The following C8orf34 variants were observed in gnomAD, a reference collection of about 807,000 sequenced individuals.
C8orf34 encodes the protein chromosome 8 open reading frame 34, also known as uncharacterized protein C8orf34.
Under a neutral mutation model 68.3 loss-of-function variants are expected in C8orf34, and 65 were observed. That is an observed-to-expected ratio of 0.95 (90% CI 0.78 to 1.17). C8orf34 has a LOEUF of 1.17. Among genes scored for constraint, C8orf34 ranks in the 50% most tolerant of loss-of-function variants. The pLI is 0.00. For synonymous variants in C8orf34, 244 were observed against 241.2 expected (o/e 1.01, Z -0.11); for missense variants, 664 against 655.4 (o/e 1.01, Z -0.14).
At chr8:68,618,851 T>C (rs975818726) in intron 7 of C8orf34, among the ~76,000 whole-genome samples, 2 of 152,138 alleles carry the variant, frequency 1.3e-5, no homozygotes, top group Non-Finnish European at 2.9e-5. Context: ...GATGTTTGAG[T>C]AAAAGAATAA....
intron 1 of C8orf34, among the ~76,000 whole-genome samples, chr8:68,383,310 T>A (rs1808121153): frequency 1.3e-5 from 2 of 152,226 alleles, no homozygotes; most frequent in South Asian, 4.1e-4. Context: ...TGGGCCATGA[T>A]GTTAACCATA....
Position 68,568,560 on chromosome 8 carries a change from GA to G in C8orf34, c.1105+35423del, listed in dbSNP as rs35855967. Among the ~76,000 whole-genome samples, 707 of 138,156 alleles carry G rather than the reference GA, an allele frequency of 5.1e-3. 5 individuals carry two copies. Among genetic ancestry groups the G allele is most frequent in the Non-Finnish European group, 4.4e-3 (278 of 63,396 alleles). 90.6% of individuals were successfully genotyped at this position (138,156 alleles called of 152,430 possible). Reference sequence around the variant, plus strand: ...CAGGGCTGCCACAAAGCTTCAATTAGAAAAAAAAAAAATCTGTGAAGTGCAA... The same window carrying G: ...CAGGGCTGCCACAAAGCTTCAATTAGAAAAAAAAAAATCTGTGAAGTGCAA... On this transcript the variant is annotated intron_variant, in intron 7 of 13. Transcript: ENST00000518698.
chr8:68,580,669 T>C (rs760291419), intron 7 of C8orf34, among the ~76,000 whole-genome samples: 1 of 152,100 alleles, frequency 6.6e-6, no homozygotes, highest in Non-Finnish European at 1.5e-5. Flanking sequence ...TTACTAATCA[T>C]AAGGAGATAG....
chr8:68,505,738 CAA>C (rs778441254), intron 5 of C8orf34, among the ~76,000 whole-genome samples: 10 of 68,338 alleles, frequency 1.5e-4, no homozygotes, highest in Admixed American at 1.8e-4. Context: ...ACTCCGTCTC[CAA>C]AAAAAAAAAA....
chr8:68,397,803 C>T (rs999792630), intron 1 of C8orf34, among the ~76,000 whole-genome samples: 2 of 152,146 alleles, frequency 1.3e-5, no homozygotes, highest in African/African-American at 2.4e-5. Context: ...AAGTCTCACT[C>T]TGTTGCCCAG....
Position 68,709,146 on chromosome 8 carries a change from A to G in C8orf34, c.1327+67A>G, listed in dbSNP as rs546283073. 8 of 1,206,888 alleles carry G rather than the reference A, an allele frequency of 6.6e-6. No homozygotes were observed. The African/African-American group carries it at 1.2e-4, about 18-fold the overall frequency. The allele number at this position is 1,206,888 out of a possible 1,614,324, so 74.8% of individuals were successfully genotyped here. A position where few individuals can be genotyped will look rare whatever the true frequency, so the allele number is the denominator to read the frequency against. On this transcript the variant is annotated intron_variant, in intron 9 of 13. Coordinates refer to ENST00000518698, the MANE Select transcript of C8orf34 (RefSeq NM_052958.4). ...CACTTAAAGATTAAAGAAGTAAAGGAAAAAAACTAAACCAAACATCTTGCC... is the reference window on the plus strand; with the variant it reads ...CACTTAAAGATTAAAGAAGTAAAGGGAAAAAACTAAACCAAACATCTTGCC...
chr8:68,436,607 T>C (rs1810678057), intron 1 of C8orf34, among the ~76,000 whole-genome samples: 1 of 152,174 alleles, frequency 6.6e-6, no homozygotes, highest in Non-Finnish European at 1.5e-5. Flanking sequence ...CTTGCACTGA[T>C]GGTAAGAATT....
intron 7 of C8orf34, among the ~76,000 whole-genome samples, chr8:68,574,432 A>C (rs560336047): frequency 6.6e-6 from 1 of 152,072 alleles, no homozygotes; most frequent in Non-Finnish European, 1.5e-5. Context: ...CAAAATTAGC[A>C]TAAGATTAGT....
At chr8:68,496,615 G>C (rs926112461) in intron 5 of C8orf34, among the ~76,000 whole-genome samples, 1 of 152,194 alleles carries the variant, frequency 6.6e-6, no homozygotes, top group Non-Finnish European at 1.5e-5. Context: ...GCCTCACTAA[G>C]TACACCCATG....
chr8:68,732,805 G>C (rs1822014060), intron 10 of C8orf34, among the ~76,000 whole-genome samples: 1 of 152,182 alleles, frequency 6.6e-6, no homozygotes, highest in Admixed American at 6.5e-5. Context: ...AGCTGGGCGT[G>C]TAATCCCAGC....
intron 1 of C8orf34, chr8:68,438,777 G>A (rs1012403951): frequency 5.3e-5 from 8 of 151,618 alleles, no homozygotes; most frequent in African/African-American, 1.9e-4. Context: ...GTTCCTGACT[G>A]GAAAAAAAAA....
intron 5 of C8orf34, among the ~76,000 whole-genome samples, chr8:68,503,286 C>T (rs1216033461): frequency 6.6e-6 from 1 of 151,564 alleles, no homozygotes; most frequent in Non-Finnish European, 1.5e-5. Flanking sequence ...CATTTGTTTA[C>T]CAAAAAAAAG....
At chr8:68,657,174 G>A (rs189458204) in intron 8 of C8orf34, among the ~76,000 whole-genome samples, 4 of 152,056 alleles carry the variant, frequency 2.6e-5, no homozygotes, top group East Asian at 3.9e-4. Flanking sequence ...CTCCACAAAC[G>A]TATCCAAATA....
At chr8:68,691,822 AAACC>A (rs1393754984) in intron 8 of C8orf34, among the ~76,000 whole-genome samples, 15 of 152,136 alleles carry the variant, frequency 9.9e-5, no homozygotes, top group Non-Finnish European at 2.1e-4. Context: ...TATCCTTCCT[AAACC>A]AACATCAATG....
At chr8:68,595,300 T>C (rs1048636472) in intron 7 of C8orf34, among the ~76,000 whole-genome samples, 16 of 152,210 alleles carry the variant, frequency 1.1e-4, no homozygotes, top group African/African-American at 3.9e-4. Flanking sequence ...TGATCTTTGA[T>C]ACAAGTGTAA....
At chr8:68,380,709 C>T (rs1257536329) in intron 1 of C8orf34, among the ~76,000 whole-genome samples, 2 of 152,162 alleles carry the variant, frequency 1.3e-5, no homozygotes, top group Non-Finnish European at 2.9e-5. Context: ...GGTAGACATA[C>T]ATAAGACAAT....
In C8orf34 at chr8:68,721,370, C is replaced by T. The variant is rs757904859; in HGVS notation, c.1337C>T (p.Pro446Leu). ...EKIPDSFDSLPGTEEALMEEG... is the reference protein window; with the variant it reads ...EKIPDSFDSLLGTEEALMEEG... ...TTAAAAATAAAAATAGATTCCTTGCCTGGGACTGAAGAAGCACTAATGGAG... is the reference window on the plus strand; with the variant it reads ...TTAAAAATAAAAATAGATTCCTTGCTTGGGACTGAAGAAGCACTAATGGAG... The change falls in exon 10 of 14, where the codon CCT becomes CTT. Residue 446 changes from proline to leucine, a missense_variant. By Grantham distance (98) the Pro-to-Leu change is moderately conservative. Transcript: ENST00000518698. 4 of 1,604,784 alleles carry T rather than the reference C, an allele frequency of 2.5e-6. No homozygotes were observed. Among genetic ancestry groups the T allele is most frequent in the Non-Finnish European group, 3.4e-6 (4 of 1,173,496 alleles).
intron 12 of C8orf34, among the ~76,000 whole-genome samples, chr8:68,814,898 T>C (rs1440149958): frequency 2.0e-5 from 3 of 152,218 alleles, no homozygotes; most frequent in Admixed American, 1.3e-4. Context: ...TTGCTAAATA[T>C]CAGGTTAAAT....
intron 4 of C8orf34, among the ~76,000 whole-genome samples, chr8:68,474,296 G>A (rs536912829): frequency 6.6e-6 from 1 of 152,186 alleles, no homozygotes; most frequent in African/African-American, 2.4e-5. Context: ...GTTAGGTGGT[G>A]GTACCATAAC....
Sources: allele counts gnomAD v4.1 joint callset (sites outside exome capture counted in the v4.1 genomes callset), GRCh38; gene constraint gnomAD v4.1.1; transcripts MANE v1.5; gene names NCBI Gene and HGNC (gene_info 2026-07-23, HGNC 2026-07-21).